DPEP1: variants seen among roughly 807,000 people sequenced by gnomAD.
DPEP1 encodes dipeptidase 1.
Under a neutral mutation model 42.3 loss-of-function variants are expected in DPEP1, and 50 were observed. The observed-to-expected ratio is 1.18, with a 90% CI of 0.94 to 1.50. The LOEUF is 1.50. DPEP1 is among the 40% of genes most tolerant of loss of function. The pLI is 0.00. For synonymous variants in DPEP1, 297 were observed against 234.0 expected (o/e 1.27, Z -2.46); for missense variants, 663 against 553.0 (o/e 1.20, Z -1.99).
chr16:89,618,356 A>G (rs1329960615), intron 1 of DPEP1, among the ~76,000 whole-genome samples: 4 of 152,118 alleles, frequency 2.6e-5, no homozygotes, highest in Non-Finnish European at 5.9e-5. Context: ...AGCCAAGACC[A>G]CAAGTGTGTG....
chr16:89,640,633 A>T (rs796901744), downstream of DPEP1: 1 of 976,234 alleles, frequency 1.0e-6, no homozygotes, highest in East Asian at 2.4e-4. Context: ...ATCAATAATC[A>T]TCCTGTCTGT....
intron 1 of DPEP1, among the ~76,000 whole-genome samples, chr16:89,625,353 G>T (rs1246048813): frequency 2.6e-5 from 4 of 152,230 alleles, no homozygotes; most frequent in African/African-American, 9.6e-5. Flanking sequence ...TACCAGGCTC[G>T]TTTTAACCGT....
downstream of DPEP1, among the ~76,000 whole-genome samples, chr16:89,639,722 G>A (rs1285494559): frequency 6.8e-6 from 1 of 147,188 alleles, no homozygotes; most frequent in Non-Finnish European, 1.6e-5. Flanking sequence ...ATCTCGCTCC[G>A]TCACCCAGGC....
chr16:89,631,172 T>C (rs968526614), intron 2 of DPEP1, among the ~76,000 whole-genome samples: 2 of 152,032 alleles, frequency 1.3e-5, no homozygotes, highest in African/African-American at 4.8e-5. Flanking sequence ...CGGCCTGCCT[T>C]CTCCCGGGGG....
chr16:89,636,830 G>A (rs1393027112), intron 5 of DPEP1, 36 bp from the exon 6 acceptor site: 16 of 1,610,890 alleles, frequency 9.9e-6, no homozygotes, highest in East Asian at 4.5e-5. Flanking sequence ...CGAGACCACC[G>A]CTCACCTCTT....
intron 1 of DPEP1, among the ~76,000 whole-genome samples, chr16:89,616,590 G>C (rs892057117): frequency 6.6e-6 from 1 of 152,196 alleles, no homozygotes; most frequent in African/African-American, 2.4e-5. Context: ...TCTGGCACTG[G>C]GACCTGCAGC....
chr16:89,638,005 C>A (rs1180286536), intron 10 of DPEP1, 34 bp downstream of exon 10: 1 of 1,608,626 alleles, frequency 6.2e-7, no homozygotes, highest in South Asian at 1.1e-5. Context: ...GTCTCCCCCA[C>A]CACCACCAGC....
chr16:89,638,363 G>C lies in DPEP1; in HGVS notation c.*141G>C. On this transcript the variant is annotated 3_prime_UTR_variant, in exon 11 of 11. Transcript: ENST00000690203. The stretch of plus-strand genomic sequence containing the variant: ...GAGAGGACGCCTGGGCTTACCTGGG[G>C]GGCAGGATGCCTGGGGACAGTTCAG... 1 of 1,423,794 alleles carries C rather than the reference G, an allele frequency of 7.0e-7. No homozygotes were observed. Among genetic ancestry groups the C allele is most frequent in the South Asian group, 1.6e-5 (1 of 64,320 alleles). 88.2% of individuals were successfully genotyped at this position (1,423,794 alleles called of 1,614,324 possible).
chr16:89,626,644 G>A (rs1396906284), intron 1 of DPEP1, among the ~76,000 whole-genome samples: 1 of 151,634 alleles, frequency 6.6e-6, no homozygotes, highest in African/African-American at 2.4e-5. Context: ...GTGCGCCACC[G>A]CACCCAGCCT....
At chr16:89,613,401 GGA>G (rs1443785058), upstream of DPEP1, 2 of 152,282 alleles carry the variant, frequency 1.3e-5, no homozygotes, top group Non-Finnish European at 2.9e-5. Context: ...TAGCCTTGGG[GGA>G]GGTCAGGACG....
At chr16:89,639,924 C>T (rs2059731427), downstream of DPEP1, among the ~76,000 whole-genome samples, 1 of 42,958 alleles carries the variant, frequency 2.3e-5, no homozygotes. Flanking sequence ...GATCCGCCCA[C>T]TCAGCCTCCC....
intron 1 of DPEP1, among the ~76,000 whole-genome samples, chr16:89,625,277 C>A (rs752901119): frequency 6.6e-6 from 1 of 152,154 alleles, no homozygotes; most frequent in African/African-American, 2.4e-5. Flanking sequence ...TCCCTGCCCC[C>A]AGACCCTATT....
At position 89,632,748 on chromosome 16, in the gene DPEP1, G is replaced by C. The variant is rs545342314; in HGVS notation, c.104+2234G>C. On this transcript the variant is annotated intron_variant, in intron 2 of 10. Transcript: ENST00000690203. ...AAACCAGAGGCCCCACCTTCCCATC[G>C]TTTTCTCCAGCAAGAGTGGAGAGGG... Among the ~76,000 whole-genome samples, 3 of 152,148 alleles carry C rather than the reference G, an allele frequency of 2.0e-5. No homozygotes were observed. The East Asian group carries it at 5.8e-4, about 29-fold the overall frequency.
intron 1 of DPEP1, among the ~76,000 whole-genome samples, chr16:89,619,931 A>G (rs1049230438): frequency 2.3e-5 from 3 of 129,464 alleles, no homozygotes; most frequent in Non-Finnish European, 4.9e-5. Flanking sequence ...CCCTGTGACT[A>G]GCCCAGCAGC....
At chr16:89,620,390 G>A (rs1457659125) in intron 1 of DPEP1, among the ~76,000 whole-genome samples, 1 of 152,116 alleles carries the variant, frequency 6.6e-6, no homozygotes, top group Non-Finnish European at 1.5e-5. Context: ...TCAACCTGCT[G>A]CCACCTAAGG....
At position 89,635,168 on chromosome 16, in the gene DPEP1, TCCCTTCCTTCTCCTTTC is replaced by T. The variant is rs1185318378; in HGVS notation, c.105-693_105-677del. 1.8e-3 allele frequency among the ~76,000 whole-genome samples: 71 copies of T among 40,294 alleles called. 7 individuals carry two copies. Among genetic ancestry groups the T allele is most frequent in the South Asian group, 5.1e-3 (8 of 1,574 alleles). The allele number at this position is 40,294 out of a possible 152,430, so 26.4% of individuals were successfully genotyped here. ...CTTCTCCTTTCCCCTTCCTTCCCTT[TCCCTTCCTTCTCCTTTC>T]CCCTTCCTTCTCCTTTCCCCTTCCT... On this transcript the variant is annotated intron_variant, in intron 2 of 10. Coordinates refer to ENST00000690203, the MANE Select transcript of DPEP1 (RefSeq NM_001389466.1).
rs2059672018 is a variant in DPEP1 at position 89,635,927 on chromosome 16, C to A, written c.124C>A (p.Gln42Lys). 5 of 1,607,210 alleles carry A rather than the reference C, an allele frequency of 3.1e-6. No individual in the cohort carries two copies. The highest frequency in any genetic ancestry group is 2.7e-5 in the African/African-American group (2 of 74,920). Reference protein sequence around the residue: ...VIDGHNDLPWQLLDMFNNRLQ... With the variant: ...VIDGHNDLPWKLLDMFNNRLQ... Reference sequence around the variant, plus strand: ...CTCCAGGCACAATGACCTCCCCTGGCAGCTGCTGGATATGTTCAACAACCG... The same window carrying A: ...CTCCAGGCACAATGACCTCCCCTGGAAGCTGCTGGATATGTTCAACAACCG... Residue 42 changes from glutamine (Q) to lysine (K), a missense_variant, in exon 3 of 11, where the codon CAG (glutamine) becomes AAG (lysine). Coordinates refer to ENST00000690203, the MANE Select transcript of DPEP1 (RefSeq NM_001389466.1).
rs199569048 is a variant in DPEP1, at chr16:89,638,092, C to A, written c.1106C>A (p.Pro369Gln). 1.9e-6 allele frequency: 3 copies of A among 1,612,208 alleles called. No individual in the cohort carries two copies. The highest frequency in any genetic ancestry group is 2.5e-6 in the Non-Finnish European group (3 of 1,179,862). Residue 369 changes from proline to glutamine, a missense_variant, in exon 11 of 11, where the codon CCG (proline) becomes CAG (glutamine). Coordinates refer to ENST00000690203, the MANE Select transcript of DPEP1 (RefSeq NM_001389466.1). ...LTQAPEEEPI[P>Q]LDQLGGSCRT... ...CAGGCTCCCGAGGAGGAGCCCATCC[C>A]GCTGGACCAGCTGGGTGGCTCCTGC...
At chr16:89,628,247 C>CTTT (rs1334855414) in intron 1 of DPEP1, among the ~76,000 whole-genome samples, 1 of 84,574 alleles carries the variant, frequency 1.2e-5, no homozygotes, top group African/African-American at 5.6e-5. Flanking sequence ...TTCTTTCTTT[C>CTTT]TTTTCTTTCT....
Sources: gnomAD v4.1 joint callset for allele counts (sites outside exome capture counted in the v4.1 genomes callset) on GRCh38, gnomAD v4.1.1 for gene constraint, MANE v1.5 for transcripts, NCBI Gene and HGNC (gene_info 2026-07-23, HGNC 2026-07-21) for gene names.